Variants in FOXP1 observed in about 807,000 individuals in gnomAD.
The protein encoded by FOXP1 is forkhead box protein P1.
FOXP1 carries 15 observed loss-of-function variants against 98.2 expected under a neutral mutation model. That is an observed-to-expected ratio of 0.15 (90% CI 0.10 to 0.24). FOXP1 has a LOEUF of 0.24. FOXP1 is among the 10% of genes least tolerant of loss of function. The probability of loss-of-function intolerance (pLI) is 1.00; values close to 1 mark genes in which losing one functional copy is unlikely to be tolerated. For missense variants in FOXP1, 633 were observed against 848.5 expected, an observed-to-expected ratio of 0.75 and a Z score of 3.15; for synonymous variants, 371 against 314.5, an observed-to-expected ratio of 1.18 and a Z score of -1.90.
At chr3:71,005,001 G>A (rs1343586220) in intron 12 of FOXP1, among the ~76,000 whole-genome samples, 3 of 152,046 alleles carry the variant, frequency 2.0e-5, no homozygotes, top group Non-Finnish European at 4.4e-5. Flanking sequence ...CATCAGGAAC[G>A]GTTATGAACG....
chr3:70,981,540 G>A lies in FOXP1; in HGVS notation c.1147-3511C>T, dbSNP rs571640836. On this transcript the variant is annotated intron_variant, in intron 14 of 20. Coordinates refer to ENST00000649528, the MANE Select transcript of FOXP1 (RefSeq NM_001349338.3). ...GCATTCGACTGACCCCACCATCAAT[G>A]TGCAGTGGTGCAAGATGTCACTGGA... 1.4e-3 allele frequency among the ~76,000 whole-genome samples: 207 copies of A among 152,340 alleles called. 1 individual carries two copies. Among genetic ancestry groups the A allele is most frequent in the Non-Finnish European group, 2.0e-3 (135 of 68,030 alleles).
intron 17 of FOXP1, 131 bp downstream of exon 17, chr3:70,976,810 A>C: frequency 4.3e-6 from 3 of 696,988 alleles, no homozygotes; most frequent in Non-Finnish European, 7.8e-6. Context: ...AAATACACCT[A>C]GAGATTGGAC....
intron 5 of FOXP1, among the ~76,000 whole-genome samples, chr3:71,221,361 G>A (rs2065366633): frequency 6.6e-6 from 1 of 152,202 alleles, no homozygotes; most frequent in Admixed American, 6.5e-5. Context: ...TAGAGTCTTG[G>A]AGAGTGACAG....
At chr3:71,281,989 T>TC (rs1003593277) in intron 5 of FOXP1, among the ~76,000 whole-genome samples, 1 of 149,886 alleles carries the variant, frequency 6.7e-6, no homozygotes, top group African/African-American at 2.5e-5. Context: ...GCACCTGTAA[T>TC]CCCAGCTACT....
chr3:71,029,744 T>A (rs547231113), intron 11 of FOXP1, among the ~76,000 whole-genome samples: 1 of 152,144 alleles, frequency 6.6e-6, no homozygotes, highest in African/African-American at 2.4e-5. Context: ...TCTATCACCA[T>A]AGTTATTAAT....
At chr3:71,348,555 G>GCGCA (rs1553853288) in intron 4 of FOXP1, among the ~76,000 whole-genome samples, 11 of 126,270 alleles carry the variant, frequency 8.7e-5, no homozygotes, top group African/African-American at 3.3e-4. Flanking sequence ...GTGTGCGTGC[G>GCGCA]CGCGCGCACG....
chr3:71,191,984 T>C (rs1038141457), intron 6 of FOXP1, among the ~76,000 whole-genome samples: 1 of 152,226 alleles, frequency 6.6e-6, no homozygotes, highest in Non-Finnish European at 1.5e-5. Flanking sequence ...AGCTGGGTTT[T>C]TACCTACTAG....
chr3:71,371,976 T>C (rs536440554), intron 3 of FOXP1, among the ~76,000 whole-genome samples: 1 of 152,126 alleles, frequency 6.6e-6, no homozygotes, highest in South Asian at 2.1e-4. Context: ...TTCCCCTGGC[T>C]CTTTGTACAT....
At chr3:71,014,651 C>G (rs1405055665) in intron 12 of FOXP1, among the ~76,000 whole-genome samples, 1 of 152,114 alleles carries the variant, frequency 6.6e-6, no homozygotes, top group East Asian at 1.9e-4. Context: ...GGTATATACC[C>G]AAAGGTTTAT....
At chr3:71,347,000 CACTCCAGCCTGGCAACAGAGCAAG>C (rs2077407127) in intron 4 of FOXP1, among the ~76,000 whole-genome samples, 1 of 152,100 alleles carries the variant, frequency 6.6e-6, no homozygotes, top group African/African-American at 2.4e-5. Context: ...ACCACCATTG[CACTCCAGCCTGGCAACAGAGCAAG>C]ACTCCATCTC....
chr3:71,401,487 T>A (rs747581150), intron 3 of FOXP1, among the ~76,000 whole-genome samples: 1 of 152,238 alleles, frequency 6.6e-6, no homozygotes, highest in Non-Finnish European at 1.5e-5. Context: ...CAATTCAGGA[T>A]GAGAGGCAGC....
chr3:71,583,936 G>T, upstream of FOXP1: 3 of 972,456 alleles, frequency 3.1e-6, no homozygotes, highest in South Asian at 1.4e-4. Context: ...GCGGCCCCCC[G>T]AGCGGGAGCG....
At chr3:71,077,747 C>T (rs997854617) in intron 7 of FOXP1, among the ~76,000 whole-genome samples, 5 of 152,100 alleles carry the variant, frequency 3.3e-5, no homozygotes, top group African/African-American at 9.7e-5. Flanking sequence ...AATAAACCAA[C>T]GAATGAATGT....
At chr3:71,277,163 T>A (rs2070997244) in intron 5 of FOXP1, among the ~76,000 whole-genome samples, 1 of 151,906 alleles carries the variant, frequency 6.6e-6, no homozygotes, top group African/African-American at 2.4e-5. Flanking sequence ...TTTCACCATG[T>A]TAGCCAGGAT....
intron 5 of FOXP1, among the ~76,000 whole-genome samples, chr3:71,242,651 C>CTAAGATTG (rs1220471516): frequency 1.3e-5 from 2 of 151,936 alleles, no homozygotes; most frequent in African/African-American, 4.8e-5. Context: ...AGCTTTCCGC[C>CTAAGATTG]TAAGATTGTC....
At chr3:70,969,534 C>T (rs184346029) in intron 19 of FOXP1, 15 of 152,184 alleles carry the variant, frequency 9.9e-5, no homozygotes, top group Admixed American at 9.2e-4. Flanking sequence ...TGTTTAATGT[C>T]CATAAATATC....
chr3:71,182,494 CTATATA>C (rs373753696), intron 6 of FOXP1, among the ~76,000 whole-genome samples: 4 of 143,196 alleles, frequency 2.8e-5, no homozygotes, highest in African/African-American at 8.0e-5. Flanking sequence ...AAAGTGTAAA[CTATATA>C]TATGTGTGTG....
intron 6 of FOXP1, among the ~76,000 whole-genome samples, chr3:71,113,007 A>G (rs1473372302): frequency 6.6e-6 from 1 of 152,170 alleles, no homozygotes; most frequent in Non-Finnish European, 1.5e-5. Context: ...GGCCCTTTTC[A>G]GGGTCACCTT....
chr3:70,967,687 G>GTTTTTTTTTTTGTTTTTTTTT (rs2035151049), intron 19 of FOXP1, among the ~76,000 whole-genome samples: 2 of 61,356 alleles, frequency 3.3e-5, no homozygotes, highest in African/African-American at 1.1e-4. Context: ...ACTATTATTT[G>GTTTTTTTTTTTGTTTTTTTTT]TTTTTTTTTT....
Sources: allele counts gnomAD v4.1 joint callset (sites outside exome capture counted in the v4.1 genomes callset), GRCh38; gene constraint gnomAD v4.1.1; transcripts MANE v1.5; gene names NCBI Gene and HGNC (gene_info 2026-07-23, HGNC 2026-07-21).